The following KIF15 variants were observed in gnomAD, a reference collection of about 807,000 sequenced individuals.
The protein encoded by KIF15 is kinesin-like protein KIF15.
In KIF15, 140 loss-of-function variants were observed where a neutral mutation model predicts 190.6. The ratio of observed to expected loss-of-function variants is 0.73; its 90% CI spans 0.64 to 0.84. The LOEUF (loss-of-function observed/expected upper bound fraction) is 0.84. Among genes scored for constraint, KIF15 ranks in the 40% least tolerant of loss-of-function variants. The pLI, the probability that KIF15 is intolerant of heterozygous loss-of-function variation, is 0.00. For synonymous variants in KIF15, 528 were observed against 551.3 expected, an observed-to-expected ratio of 0.96 and a Z score of 0.59; for missense variants, 1,372 against 1,584.4, an observed-to-expected ratio of 0.87 and a Z score of 2.28.
Position 44,797,935 on chromosome 3 carries a change from A to G in KIF15, c.1077A>G (p.Arg359=). 6.2e-7 allele frequency: 1 copy of G among 1,612,238 alleles called. No homozygotes were observed. The highest frequency in any genetic ancestry group is 8.5e-7 in the Non-Finnish European group (1 of 1,179,494). ...TATCAACACTTAACTTTGCTCAAAG[A>G]GCCAAGCTGATTAAAAACAAGGTAA... The part of the protein sequence containing the change: ...ETLSTLNFAQ[R]AKLIKNKAVV... Residue 359 remains arginine, a synonymous_variant, in exon 10 of 35, where the codon AGA becomes AGG. Transcript: ENST00000326047.
At chr3:44,796,740 C>A (rs1321328596) in intron 8 of KIF15, among the ~76,000 whole-genome samples, 1 of 152,072 alleles carries the variant, frequency 6.6e-6, no homozygotes, top group African/African-American at 2.4e-5. Flanking sequence ...ATTTTTTCCC[C>A]CCACCAAGCT....
rs534968674 is a variant in KIF15 at position 44,820,022 on chromosome 3, T to C, written c.2549+4946T>C. On this transcript the variant is annotated intron_variant, in intron 20 of 34. Coordinates refer to ENST00000326047, the MANE Select transcript of KIF15 (RefSeq NM_020242.3). ...TAATGGCCTTCTTTGTCTCTTTTGA[T>C]CTTTGTTGGTTTAAAGTCTGTTTTA... Among the ~76,000 whole-genome samples the C allele has an allele frequency of 1.2e-3, 181 of 152,350 alleles. 1 individual carries two copies. Among genetic ancestry groups the C allele is most frequent in the Non-Finnish European group, 2.2e-3 (151 of 68,026 alleles).
chr3:44,798,696 A>G (rs1033006593), intron 10 of KIF15, among the ~76,000 whole-genome samples: 4 of 152,104 alleles, frequency 2.6e-5, no homozygotes, highest in Non-Finnish European at 4.4e-5. Context: ...GAACCACTGT[A>G]CCCAGCTGAC....
At chr3:44,842,255 A>G (rs1218173725) in intron 29 of KIF15, among the ~76,000 whole-genome samples, 2 of 151,762 alleles carry the variant, frequency 1.3e-5, no homozygotes, top group African/African-American at 4.8e-5. Context: ...CCATTTTTTT[A>G]AGCTTCCTCA....
chr3:44,848,509 ATCT>A lies in KIF15; in HGVS notation c.3769-7_3769-5del. On this transcript the variant is annotated splice_polypyrimidine_tract_variant and intron_variant, in intron 31 of 34. Coordinates refer to ENST00000326047, the MANE Select transcript of KIF15 (RefSeq NM_020242.3). ...GCAATCTTTTTATTTTCTTTTTTTA[ATCT>A]TCTTATAGAGTAAAATAGTTGAAGA... 1.9e-6 allele frequency: 2 copies of A among 1,075,908 alleles called. No homozygotes were observed. The highest frequency in any genetic ancestry group is 2.7e-6 in the Non-Finnish European group (2 of 729,442). The allele number at this position is 1,075,908 out of a possible 1,614,324, so 66.6% of individuals were successfully genotyped here.
chr3:44,826,497 A>ATATTG (rs775818094), intron 22 of KIF15, 37 bp downstream of exon 22: 1 of 1,310,174 alleles, frequency 7.6e-7, no homozygotes, highest in Middle Eastern at 2.1e-4. Flanking sequence ...GCATACTAGA[A>ATATTG]TATTGTTTAA....
At chr3:44,805,793 A>G in intron 15 of KIF15, 52 bp from the exon 16 acceptor site, 3 of 1,502,196 alleles carry the variant, frequency 2.0e-6, no homozygotes, top group East Asian at 2.3e-5. Flanking sequence ...TATTCTATAA[A>G]TGTTTGACAT....
chr3:44,855,798 A>G (rs1480463058), downstream of KIF15, among the ~76,000 whole-genome samples: 2 of 152,220 alleles, frequency 1.3e-5, no homozygotes, highest in Admixed American at 1.3e-4. Flanking sequence ...GGAGAAAAAC[A>G]GATATTAAAG....
At chr3:44,809,241 T>C (rs544458530) in intron 16 of KIF15, among the ~76,000 whole-genome samples, 39 of 152,342 alleles carry the variant, frequency 2.6e-4, no homozygotes, top group Non-Finnish European at 3.4e-4. Context: ...CATATGTTCA[T>C]GTCCATTTGT....
rs185379341 is a variant in KIF15 at position 44,776,714 on chromosome 3, A to G, written c.246+1277A>G. ...AGGTCAACTTAATTAAGACCTAGTTAGTGCTATCCAATGGAACTTTCTGCA... is the reference window on the plus strand; with the variant it reads ...AGGTCAACTTAATTAAGACCTAGTTGGTGCTATCCAATGGAACTTTCTGCA... On this transcript the variant is annotated intron_variant, in intron 3 of 34. Coordinates refer to ENST00000326047, the MANE Select transcript of KIF15 (RefSeq NM_020242.3). 3.5e-4 allele frequency among the ~76,000 whole-genome samples: 54 copies of G among 152,308 alleles called. 2 individuals are homozygous for G. Among genetic ancestry groups the G allele is most frequent in the Admixed American group, 1.2e-3 (19 of 15,296 alleles).
At chr3:44,861,314 G>A (rs1310183059) in intron 6 of KIF15, among the ~76,000 whole-genome samples, 2 of 152,256 alleles carry the variant, frequency 1.3e-5, no homozygotes, top group African/African-American at 4.8e-5. Context: ...ACATACGTAA[G>A]TATAACAGGA....
chr3:44,786,602 G>A (rs763080000), intron 7 of KIF15, 28 bp downstream of exon 7: 3 of 1,568,062 alleles, frequency 1.9e-6, no homozygotes, highest in Non-Finnish European at 2.6e-6. Context: ...CTTAATTGGT[G>A]CTTAGGCAAC....
chr3:44,830,587 T>C (rs1698018597), intron 25 of KIF15, among the ~76,000 whole-genome samples: 1 of 152,246 alleles, frequency 6.6e-6, no homozygotes, highest in Non-Finnish European at 1.5e-5. Context: ...TTTTCTCCTC[T>C]GGGTCGAGGC....
At chr3:44,767,894 CAAAAAAAAAAAA>C (rs1181321859) in intron 1 of KIF15, among the ~76,000 whole-genome samples, 1 of 37,142 alleles carries the variant, frequency 2.7e-5, no homozygotes, top group African/African-American at 1.0e-4. Flanking sequence ...GACTCCATCT[CAAAAAAAAAAAA>C]AAAAAAAAAG....
chr3:44,801,804 C>G lies in KIF15; in HGVS notation c.1339C>G (p.Leu447Val). The G allele has an allele frequency of 1.2e-6, 2 of 1,603,888 alleles. No individual in the cohort carries two copies. ...AGTTACCCAATTAGAAGACCTCACC[C>G]TCAAAAAGGAAAAATTTATTCAATC... ...EKVTQLEDLT[L>V]KKEKFIQSNK... Residue 447 changes from leucine (L) to valine (V), a missense_variant, in exon 13 of 35, where the codon CTC (leucine) becomes GTC (valine). Physicochemically the swap from Leu to Val is conservative, Grantham distance 32. Coordinates refer to ENST00000326047, the MANE Select transcript of KIF15 (RefSeq NM_020242.3).
chr3:44,762,437 T>A lies in KIF15; in HGVS notation c.19+553T>A, dbSNP rs150361082. 8.0e-3 allele frequency among the ~76,000 whole-genome samples: 1,216 copies of A among 152,366 alleles called. 9 individuals carry two copies. The highest frequency in any genetic ancestry group is 0.012 in the Non-Finnish European group (821 of 68,028). ...TTAAAGGAGACCCGTCCGATTTCTT[T>A]CTCTTTTTCACGGAGGAGAGCACTG... On this transcript the variant is annotated intron_variant, in intron 1 of 34. Coordinates refer to ENST00000326047, the MANE Select transcript of KIF15 (RefSeq NM_020242.3).
At chr3:44,810,753 G>A (rs1025949514) in intron 16 of KIF15, 93 bp from the exon 17 acceptor site, 1 of 1,006,320 alleles carries the variant, frequency 9.9e-7, no homozygotes, top group Non-Finnish European at 1.5e-6. Context: ...TTCATGAATA[G>A]TATTTCAATT....
In KIF15 at chr3:44,802,974, T is replaced by A; in HGVS notation, c.1670T>A (p.Met557Lys). 6.3e-7 allele frequency: 1 copy of A among 1,594,600 alleles called. No homozygotes were observed. The highest frequency in any genetic ancestry group is 8.5e-7 in the Non-Finnish European group (1 of 1,174,990). The change falls in exon 14 of 35, where the codon ATG becomes AAG. Residue 557 changes from methionine to lysine, a missense_variant. Coordinates refer to ENST00000326047, the MANE Select transcript of KIF15 (RefSeq NM_020242.3). The part of the protein sequence containing the change: ...LEKAFSEISG[M>K]EKSDKNQQGF... Reference sequence around the variant, plus strand: ...AAAGCTTTCTCTGAAATAAGTGGCATGGAGAAAAGTGACAAAAGTAAGAAA... The same window carrying A: ...AAAGCTTTCTCTGAAATAAGTGGCAAGGAGAAAAGTGACAAAAGTAAGAAA...
In KIF15 at chr3:44,804,550, CT is replaced by C. The variant is rs530796034; in HGVS notation, c.1688-474del. On this transcript the variant is annotated intron_variant, in intron 14 of 34. Transcript: ENST00000326047. ...TCTGTCTAGCATTAGGCGTGCCACA[CT>C]TTCGTCATTGTTTGTTCTTTCTCCT... Among the ~76,000 whole-genome samples, 6 of 152,308 alleles carry C rather than the reference CT, an allele frequency of 3.9e-5. No homozygotes were observed. In the South Asian group the frequency reaches 1.2e-3, roughly 32 times the overall value.
Sources: gnomAD v4.1 joint callset for allele counts (sites outside exome capture counted in the v4.1 genomes callset) on GRCh38, gnomAD v4.1.1 for gene constraint, MANE v1.5 for transcripts, NCBI Gene and HGNC (gene_info 2026-07-23, HGNC 2026-07-21) for gene names.